The following PTK2 variants were observed in gnomAD, a reference collection of about 807,000 sequenced individuals.
The protein encoded by PTK2 is protein tyrosine kinase 2, also known as focal adhesion kinase 1.
Under a neutral mutation model 150.1 loss-of-function variants are expected in PTK2, and 45 were observed. The observed-to-expected ratio is 0.30, with a 90% confidence interval of 0.24 to 0.38. PTK2 has a LOEUF of 0.38. Ranked by LOEUF, PTK2 falls within the 10% of genes least tolerant of loss-of-function variation. PTK2 has a pLI of 1.00. For missense variants in PTK2, 919 were observed against 1,307.3 expected, an observed-to-expected ratio of 0.70 and a Z score of 4.58; for synonymous variants, 432 against 449.2, an observed-to-expected ratio of 0.96 and a Z score of 0.48.
intron 8 of PTK2, among the ~76,000 whole-genome samples, chr8:140,825,288 A>G (rs1171413146): frequency 6.6e-6 from 1 of 152,206 alleles, no homozygotes; most frequent in Non-Finnish European, 1.5e-5. Flanking sequence ...CATACAGCAG[A>G]TAACAGGAAT....
intron 26 of PTK2, among the ~76,000 whole-genome samples, chr8:140,691,091 T>A (rs2100022902): frequency 6.6e-6 from 1 of 152,106 alleles, no homozygotes; most frequent in Non-Finnish European, 1.5e-5. Context: ...TCAAAATCCC[T>A]CATAAATAGG....
intron 11 of PTK2, among the ~76,000 whole-genome samples, chr8:140,801,203 G>A (rs777183894): frequency 1.6e-4 from 24 of 152,176 alleles, no homozygotes; most frequent in Non-Finnish European, 3.5e-4. Flanking sequence ...GAGGAGTGCT[G>A]CAAATAAAGC....
intron 10 of PTK2, among the ~76,000 whole-genome samples, chr8:140,812,543 T>C (rs908403357): frequency 6.6e-6 from 1 of 152,178 alleles, no homozygotes; most frequent in African/African-American, 2.4e-5. Flanking sequence ...ATATCAATAC[T>C]AACCTTGAAT....
At chr8:140,803,696 C>G (rs2100096633) in intron 10 of PTK2, 46 bp from the exon 11 acceptor site, 2 of 1,489,150 alleles carry the variant, frequency 1.3e-6, no homozygotes, top group Non-Finnish European at 1.9e-6. Flanking sequence ...ATAAAAAACT[C>G]ATTTCACAGA....
intron 1 of PTK2, among the ~76,000 whole-genome samples, chr8:140,938,986 T>TA (rs2100174705): frequency 6.6e-6 from 1 of 151,846 alleles, no homozygotes; most frequent in African/African-American, 2.4e-5. Flanking sequence ...TCAGTATTTT[T>TA]TTTTTTGAAA....
intron 16 of PTK2, among the ~76,000 whole-genome samples, chr8:140,760,826 C>G (rs969303621): frequency 2.0e-5 from 3 of 152,134 alleles, no homozygotes; most frequent in African/African-American, 7.2e-5. Context: ...ACATTTCTTT[C>G]TCAAAAATGC....
At chr8:140,764,727 G>A (rs2100071413) in intron 14 of PTK2, among the ~76,000 whole-genome samples, 1 of 152,290 alleles carries the variant, frequency 6.6e-6, no homozygotes, top group South Asian at 2.1e-4. Context: ...AGACTTGACA[G>A]CATAATCTGA....
At chr8:140,896,710 C>T (rs2100156344) in intron 2 of PTK2, among the ~76,000 whole-genome samples, 2 of 147,432 alleles carry the variant, frequency 1.4e-5, no homozygotes, top group Non-Finnish European at 3.0e-5. Flanking sequence ...TGGATGCCCA[C>T]CATTACCACT....
intron 5 of PTK2, among the ~76,000 whole-genome samples, chr8:140,860,227 TTTC>T (rs531186590): frequency 2.3e-4 from 35 of 152,336 alleles, no homozygotes; most frequent in Non-Finnish European, 3.8e-4. Context: ...CTCTAATTTC[TTTC>T]TTGTTACTGT....
chr8:140,953,945 CTTG>C (rs1391774312), intron 1 of PTK2, among the ~76,000 whole-genome samples: 2 of 148,666 alleles, frequency 1.3e-5, no homozygotes, highest in East Asian at 3.9e-4. Flanking sequence ...GAGACAAGGT[CTTG>C]TTGTTACCCA....
intron 21 of PTK2, among the ~76,000 whole-genome samples, chr8:140,738,057 TATAGGAGAAA>T (rs1453341222): frequency 6.6e-6 from 1 of 152,192 alleles, no homozygotes; most frequent in African/African-American, 2.4e-5. Flanking sequence ...TATTTTTATT[TATAGGAGAAA>T]AAAGGTACAT....
chr8:140,975,768 T>C (rs746703666), intron 1 of PTK2, among the ~76,000 whole-genome samples: 14 of 152,304 alleles, frequency 9.2e-5, no homozygotes, highest in Non-Finnish European at 1.6e-4. Flanking sequence ...CCAGATTGCC[T>C]GAGCACGCTA....
At chr8:140,699,477 C>T (rs1377525871) in intron 26 of PTK2, among the ~76,000 whole-genome samples, 1 of 152,162 alleles carries the variant, frequency 6.6e-6, no homozygotes, top group Non-Finnish European at 1.5e-5. Flanking sequence ...TCTCTGTCCC[C>T]AAGGGACTTC....
chr8:140,670,515 AC>A (rs2095117650), intron 29 of PTK2, among the ~76,000 whole-genome samples: 1 of 144,782 alleles, frequency 6.9e-6, no homozygotes, highest in South Asian at 2.2e-4. Flanking sequence ...ACACACACAC[AC>A]ACACACACAC....
intron 14 of PTK2, among the ~76,000 whole-genome samples, chr8:140,774,088 C>G (rs2100077069): frequency 6.6e-6 from 1 of 152,198 alleles, no homozygotes; most frequent in African/African-American, 2.4e-5. Flanking sequence ...TACCTATTCC[C>G]TTTTAGAAGG....
intron 23 of PTK2, among the ~76,000 whole-genome samples, chr8:140,711,291 C>T (rs2100036726): frequency 6.6e-6 from 1 of 152,024 alleles, no homozygotes; most frequent in Non-Finnish European, 1.5e-5. Flanking sequence ...ATTTTTAGTA[C>T]AGACAGGGTT....
intron 2 of PTK2, among the ~76,000 whole-genome samples, chr8:140,915,338 G>T (rs2100164822): frequency 6.6e-6 from 1 of 151,990 alleles, no homozygotes; most frequent in Non-Finnish European, 1.5e-5. Context: ...CAAGGTGGGA[G>T]GATTGCTTGA....
chr8:140,672,997 G>GT (rs2100011516), intron 29 of PTK2, among the ~76,000 whole-genome samples: 1 of 152,160 alleles, frequency 6.6e-6, no homozygotes, highest in Admixed American at 6.5e-5. Context: ...ACAGAACTTG[G>GT]TAAAGGGATG....
At chr8:140,819,171 G>C in intron 8 of PTK2, 151 bp from the exon 9 acceptor site, 1 of 791,860 alleles carries the variant, frequency 1.3e-6, no homozygotes, top group Non-Finnish European at 1.9e-6. Flanking sequence ...AACTATAAAT[G>C]TATTTATCAA....
Sources: gnomAD v4.1 joint callset for allele counts (sites outside exome capture counted in the v4.1 genomes callset) on GRCh38, gnomAD v4.1.1 for gene constraint, MANE v1.5 for transcripts, NCBI Gene and HGNC (gene_info 2026-07-23, HGNC 2026-07-21) for gene names.